The following TTC1 variants were observed in gnomAD, a reference collection of about 807,000 sequenced individuals.
The protein encoded by TTC1 is tetratricopeptide repeat protein 1.
A neutral mutation model predicts 37.6 loss-of-function variants in TTC1; 31 were observed. The observed-to-expected ratio is 0.82, with a 90% CI of 0.62 to 1.11. The LOEUF (loss-of-function observed/expected upper bound fraction) is 1.11, where lower values mean the gene tolerates loss of function less well. TTC1 is among the 50% of genes most tolerant of loss of function. The pLI is 0.00. For missense variants in TTC1, 351 were observed against 339.0 expected, an observed-to-expected ratio of 1.04 and a Z score of -0.28; for synonymous variants, 127 against 122.4, an observed-to-expected ratio of 1.04 and a Z score of -0.25.
chr5:160,022,314 T>A (rs1004684641), intron 2 of TTC1, among the ~76,000 whole-genome samples: 3 of 152,224 alleles, frequency 2.0e-5, no homozygotes, highest in Non-Finnish European at 4.4e-5. Context: ...GGTTTATTTA[T>A]AAGGGACTAG....
At chr5:160,052,148 G>A (rs906058033) in intron 7 of TTC1, among the ~76,000 whole-genome samples, 1 of 151,942 alleles carries the variant, frequency 6.6e-6, no homozygotes, top group Non-Finnish European at 1.5e-5. Context: ...GGATAGCTCT[G>A]GAGCCTTCCC....
At chr5:160,050,627 C>CT (rs546426067) in intron 6 of TTC1, among the ~76,000 whole-genome samples, 10,159 of 109,362 alleles carry the variant, frequency 0.093, 566 homozygotes, top group Admixed American at 0.19. Context: ...CCAAACAAAA[C>CT]TTTTTTTTTT....
intron 7 of TTC1, among the ~76,000 whole-genome samples, chr5:160,059,454 C>G (rs1757638209): frequency 6.6e-6 from 1 of 152,240 alleles, no homozygotes; most frequent in African/African-American, 2.4e-5. Flanking sequence ...TCTATCCAGA[C>G]ACCTAGAACT....
intron 2 of TTC1, among the ~76,000 whole-genome samples, chr5:160,022,825 G>A (rs1756735415): frequency 6.6e-6 from 1 of 152,108 alleles, no homozygotes; most frequent in South Asian, 2.1e-4. Context: ...ATTTTATTCA[G>A]AAAGGACACT....
chr5:160,041,963 T>C (rs1014693845), intron 4 of TTC1, among the ~76,000 whole-genome samples: 1 of 152,158 alleles, frequency 6.6e-6, no homozygotes, highest in African/African-American at 2.4e-5. Context: ...GGAGTCTTGC[T>C]CTGTTGCCCA....
intron 2 of TTC1, among the ~76,000 whole-genome samples, chr5:160,027,400 TTCCTC>T (rs1756826289): frequency 6.6e-6 from 1 of 152,200 alleles, no homozygotes; most frequent in Non-Finnish European, 1.5e-5. Context: ...ATAGCTCCAT[TTCCTC>T]TCCTCCACTT....
chr5:160,031,889 C>T lies in TTC1; in HGVS notation c.331-3251C>T, dbSNP rs962726039. Reference sequence around the variant, plus strand: ...GGCAGTGGTGCTTGCTTATAGTCCCCGCTACTCAAAAGGATTGCTTGAGTC... The same window carrying T: ...GGCAGTGGTGCTTGCTTATAGTCCCTGCTACTCAAAAGGATTGCTTGAGTC... On this transcript the variant is annotated intron_variant, in intron 2 of 7. Transcript: ENST00000231238. 3.9e-5 allele frequency among the ~76,000 whole-genome samples: 6 copies of T among 151,960 alleles called. No individual in the cohort carries two copies. The East Asian group carries it at 5.8e-4, about 15-fold the overall frequency.
chr5:160,014,261 G>A (rs954854791), intron 2 of TTC1, among the ~76,000 whole-genome samples: 1 of 152,032 alleles, frequency 6.6e-6, no homozygotes, highest in African/African-American at 2.4e-5. Flanking sequence ...AGGAGGATGA[G>A]GCAGGAGAAT....
At chr5:160,032,880 AT>A (rs76223586) in intron 2 of TTC1, among the ~76,000 whole-genome samples, 26,339 of 145,614 alleles carry the variant, frequency 0.18, 2,556 homozygotes, top group East Asian at 0.27. Context: ...CACCCAGCTA[AT>A]TTTTTTTTTT....
chr5:160,048,744 C>A (rs1208825756), intron 5 of TTC1, among the ~76,000 whole-genome samples: 2 of 152,118 alleles, frequency 1.3e-5, no homozygotes, highest in Non-Finnish European at 2.9e-5. Context: ...TCTTCAAATT[C>A]TCTCTCACCT....
chr5:160,051,082 G>GTTTTT, intron 6 of TTC1, 47 bp from the exon 7 acceptor site: 2 of 1,236,514 alleles, frequency 1.6e-6, no homozygotes, highest in Non-Finnish European at 2.2e-6. Flanking sequence ...AAAGGTTTTG[G>GTTTTT]TTTTTTTTTT....
chr5:160,021,927 A>G (rs899501984), intron 2 of TTC1, among the ~76,000 whole-genome samples: 5 of 152,010 alleles, frequency 3.3e-5, no homozygotes, highest in Admixed American at 2.6e-4. Context: ...TACTCCAGCT[A>G]TTGATCTCTG....
At chr5:160,058,445 G>C (rs1300966360) in intron 7 of TTC1, among the ~76,000 whole-genome samples, 35 of 139,856 alleles carry the variant, frequency 2.5e-4, no homozygotes, top group African/African-American at 6.7e-4. Context: ...GAGTCTCGCT[G>C]TGTCGCCCAG....
intron 2 of TTC1, among the ~76,000 whole-genome samples, chr5:160,030,290 T>C (rs1382374206): frequency 2.0e-5 from 3 of 152,134 alleles, no homozygotes; most frequent in Non-Finnish European, 4.4e-5. Context: ...ACAAATGGAA[T>C]GAGGGATAAG....
At chr5:160,056,191 C>T (rs1295542312) in intron 7 of TTC1, among the ~76,000 whole-genome samples, 1 of 152,196 alleles carries the variant, frequency 6.6e-6, no homozygotes, top group Non-Finnish European at 1.5e-5. Context: ...CAGGGCATTG[C>T]CCCAGTAATC....
intron 2 of TTC1, among the ~76,000 whole-genome samples, chr5:160,016,413 A>G (rs1421114304): frequency 2.6e-5 from 4 of 152,188 alleles, no homozygotes; most frequent in African/African-American, 7.2e-5. Context: ...ATTTTTTTAA[A>G]AAGATGAATC....
intron 7 of TTC1, chr5:160,063,667 A>C (rs969614074): frequency 6.6e-6 from 1 of 152,226 alleles, no homozygotes; most frequent in Admixed American, 6.5e-5. Context: ...CTCCACTGGA[A>C]GTAGACCTGT....
intron 2 of TTC1, among the ~76,000 whole-genome samples, chr5:160,033,637 C>T (rs1371247002): frequency 1.3e-5 from 2 of 152,076 alleles, no homozygotes; most frequent in Non-Finnish European, 2.9e-5. Context: ...ACAATCATGG[C>T]GGAAAGTGAA....
chr5:160,049,585 CTAGA>C lies in TTC1; in HGVS notation c.615_618del (p.Asp206LysfsTer10). 1.2e-6 allele frequency: 2 copies of C among 1,612,004 alleles called. No homozygotes were observed. The highest frequency in any genetic ancestry group is 1.7e-6 in the Non-Finnish European group (2 of 1,179,184). ...AGAGTTGTATGAGAAGACGGACAAG[CTAGA>C]TGAAGCCCTGGAAGACTATAAATCT... On this transcript the variant is annotated frameshift_variant, in exon 6 of 8. Transcript: ENST00000231238. LOFTEE classifies it high-confidence loss of function.
Sources: allele counts gnomAD v4.1 joint callset (sites outside exome capture counted in the v4.1 genomes callset), GRCh38; gene constraint gnomAD v4.1.1; transcripts MANE v1.5; gene names NCBI Gene and HGNC (gene_info 2026-07-23, HGNC 2026-07-21).